The following SND1 variants were observed in gnomAD, a reference collection of about 807,000 sequenced individuals.
SND1 encodes the protein staphylococcal nuclease domain-containing protein 1.
In SND1, 38 loss-of-function variants were observed where a neutral mutation model predicts 121.7. The ratio of observed to expected loss-of-function variants is 0.31; its 90% CI spans 0.24 to 0.41. The LOEUF (loss-of-function observed/expected upper bound fraction) is 0.41. SND1 is among the 10% of genes least tolerant of loss of function. The pLI, the probability that SND1 is intolerant of heterozygous loss-of-function variation, is 1.00. For synonymous variants in SND1, 401 were observed against 447.4 expected (o/e 0.90, Z 1.31); for missense variants, 868 against 1,184.6 (o/e 0.73, Z 3.92).
intron 16 of SND1, among the ~76,000 whole-genome samples, chr7:128,050,598 A>G (rs556760520): frequency 1.2e-4 from 18 of 152,312 alleles, no homozygotes; most frequent in Admixed American, 7.8e-4. Context: ...CATTGGAGCA[A>G]TACTTGAGAA....
intron 13 of SND1, among the ~76,000 whole-genome samples, chr7:127,900,143 T>A (rs1451510971): frequency 6.6e-6 from 1 of 152,206 alleles, no homozygotes; most frequent in East Asian, 1.9e-4. Context: ...AATTCACAGA[T>A]ACTTTAGGGT....
chr7:127,920,640 A>G (rs547441629), intron 14 of SND1, among the ~76,000 whole-genome samples: 1 of 152,158 alleles, frequency 6.6e-6, no homozygotes. Context: ...TACCTTTCAG[A>G]TAGTTCTGTG....
At chr7:127,729,705 T>C (rs1223132384) in intron 10 of SND1, among the ~76,000 whole-genome samples, 1 of 152,146 alleles carries the variant, frequency 6.6e-6, no homozygotes, top group African/African-American at 2.4e-5. Flanking sequence ...CTGACAAGTA[T>C]GTGTGTGTGT....
intron 10 of SND1, among the ~76,000 whole-genome samples, chr7:127,775,325 C>G (rs568520378): frequency 1.3e-4 from 20 of 151,750 alleles, no homozygotes; most frequent in African/African-American, 4.8e-4. Context: ...CACATTCCCC[C>G]ACCCCCACCT....
chr7:128,089,674 G>A lies in SND1; in HGVS notation c.2604G>A (p.Glu868=), dbSNP rs1301107276. Residue 868 remains glutamate (E), a synonymous_variant, in exon 22 of 24, where the codon GAG becomes GAA. Transcript: ENST00000354725. ...TGGTCATGGTGGAGGTGCGCAAGGA[G>A]AAACAGTTCCAGAAAGTGGTATGTG... ...EGLVMVEVRK[E]KQFQKVITEY... 1 of 1,614,128 alleles carries A rather than the reference G, an allele frequency of 6.2e-7. No homozygotes were observed. The highest frequency in any genetic ancestry group is 1.1e-5 in the South Asian group (1 of 91,084).
chr7:127,713,258 C>A (rs1056268626), intron 9 of SND1, among the ~76,000 whole-genome samples: 1 of 152,222 alleles, frequency 6.6e-6, no homozygotes, highest in African/African-American at 2.4e-5. Context: ...CTGGATGGCC[C>A]TTGGGCCATA....
In SND1 at chr7:128,010,296, C is replaced by G. The variant is rs140549767; in HGVS notation, c.1779+19240C>G. Among the ~76,000 whole-genome samples, 258 of 152,358 alleles carry G rather than the reference C, an allele frequency of 1.7e-3. 9 individuals are homozygous for G. The East Asian group carries it at 0.035, about 21-fold the overall frequency. Reference sequence around the variant, plus strand: ...CAGAAATCCCATGTTTAAGTCCTGACTCTTCCATTTACTATCTCTGTGACC... The same window carrying G: ...CAGAAATCCCATGTTTAAGTCCTGAGTCTTCCATTTACTATCTCTGTGACC... On this transcript the variant is annotated intron_variant, in intron 16 of 23. Transcript: ENST00000354725.
chr7:127,955,520 C>T (rs3808072), intron 15 of SND1, among the ~76,000 whole-genome samples: 34,617 of 151,854 alleles, frequency 0.23, 5,120 homozygotes, highest in East Asian at 0.64. Context: ...GGTGGTGGCA[C>T]GTGGTTATGC....
intron 10 of SND1, among the ~76,000 whole-genome samples, chr7:127,798,743 A>T (rs570387861): frequency 2.0e-5 from 3 of 152,182 alleles, no homozygotes; most frequent in Non-Finnish European, 2.9e-5. Context: ...CCTCCTTGCT[A>T]CTTATTTAAA....
In SND1 at chr7:127,882,368, CAGGAAGGGAGGG is replaced by C. The variant is rs1282193889; in HGVS notation, c.1344-5518_1344-5507del. 9.7e-4 allele frequency among the ~76,000 whole-genome samples: 114 copies of C among 117,170 alleles called. No individual in the cohort carries two copies. In the East Asian group the frequency reaches 9.9e-3, roughly 10 times the overall value. 76.9% of individuals were successfully genotyped at this position (117,170 alleles called of 152,430 possible). ...CCCATAGGAGGGGAAGGAAGGCAGG[CAGGAAGGGAGGG>C]AGGAAGGGAGGGAGGGAGGGAGGGA... On this transcript the variant is annotated intron_variant, in intron 12 of 23. Coordinates refer to ENST00000354725, the MANE Select transcript of SND1 (RefSeq NM_014390.4).
At chr7:127,877,690 C>A (rs2116711116) in intron 12 of SND1, among the ~76,000 whole-genome samples, 1 of 152,152 alleles carries the variant, frequency 6.6e-6, no homozygotes, top group South Asian at 2.1e-4. Context: ...ACCTAGGCTT[C>A]CCAAAGTGCT....
chr7:128,019,183 A>G (rs998309392), intron 16 of SND1, among the ~76,000 whole-genome samples: 4 of 152,208 alleles, frequency 2.6e-5, no homozygotes, highest in African/African-American at 9.7e-5. Flanking sequence ...GGTCCAGAGA[A>G]TCTGCCCATG....
At chr7:128,081,576 C>T in intron 18 of SND1, 75 bp downstream of exon 18, 2 of 1,563,118 alleles carry the variant, frequency 1.3e-6, no homozygotes, top group Admixed American at 3.4e-5. Flanking sequence ...GGGGCCTCTG[C>T]CCAGTGGGTG....
At position 128,086,952 on chromosome 7, in the gene SND1, A is replaced by G. The variant is rs1030164872; in HGVS notation, c.2319A>G (p.Pro773=). 3.7e-6 allele frequency: 6 copies of G among 1,613,996 alleles called. No individual in the cohort carries two copies. The highest frequency in any genetic ancestry group is 1.6e-4 in the Middle Eastern group (1 of 6,072). The change falls in exon 21 of 24, where the codon CCA becomes CCG. Residue 773 remains proline, a synonymous_variant. Transcript: ENST00000354725. ...YIDYGNREVL[P]STRLGTLSPA... ...TTCCTCTGCAGAGAGAGGTCCTGCCATCCACCCGCCTGGGTACCCTATCAC... is the reference window on the plus strand; with the variant it reads ...TTCCTCTGCAGAGAGAGGTCCTGCCGTCCACCCGCCTGGGTACCCTATCAC...
intron 10 of SND1, among the ~76,000 whole-genome samples, chr7:127,799,745 GT>G (rs1213437348): frequency 6.6e-6 from 1 of 152,196 alleles, no homozygotes; most frequent in African/African-American, 2.4e-5. Flanking sequence ...TCATGTCTCT[GT>G]TATAGACTGT....
At chr7:127,659,036 G>C (rs774793420) in intron 1 of SND1, among the ~76,000 whole-genome samples, 4 of 152,202 alleles carry the variant, frequency 2.6e-5, no homozygotes, top group Admixed American at 1.3e-4. Flanking sequence ...GTTACATACT[G>C]TAGGAAATTT....
chr7:127,864,438 G>A (rs777042412), intron 12 of SND1, among the ~76,000 whole-genome samples: 2 of 151,630 alleles, frequency 1.3e-5, no homozygotes, highest in African/African-American at 2.4e-5. Flanking sequence ...TGCTCTTCTG[G>A]TTATTTGAAT....
intron 12 of SND1, among the ~76,000 whole-genome samples, chr7:127,854,420 T>C (rs1462306785): frequency 1.3e-5 from 2 of 151,858 alleles, no homozygotes; most frequent in Non-Finnish European, 2.9e-5. Flanking sequence ...GAGCCACCAC[T>C]CCGGCCAGGG....
intron 10 of SND1, among the ~76,000 whole-genome samples, chr7:127,753,314 G>A (rs181926484): frequency 2.6e-5 from 4 of 152,260 alleles, no homozygotes; most frequent in African/African-American, 7.2e-5. Flanking sequence ...AATGATAATA[G>A]GAAACAGTGT....
Sources: gnomAD v4.1 joint callset for allele counts (sites outside exome capture counted in the v4.1 genomes callset) on GRCh38, gnomAD v4.1.1 for gene constraint, MANE v1.5 for transcripts, NCBI Gene and HGNC (gene_info 2026-07-23, HGNC 2026-07-21) for gene names.